Variants in TAOK3 observed in about 807,000 individuals in gnomAD.
The protein encoded by TAOK3 is serine/threonine-protein kinase TAO3.
A neutral mutation model predicts 120.4 loss-of-function variants in TAOK3; 40 were observed. That is an observed-to-expected ratio of 0.33 (90% CI 0.26 to 0.43). The LOEUF (loss-of-function observed/expected upper bound fraction) is 0.43, where lower values mean the gene tolerates loss of function less well. Among genes scored for constraint, TAOK3 ranks in the 20% least tolerant of loss-of-function variants. The pLI is 1.00. For missense variants in TAOK3, 821 were observed against 1,112.1 expected (o/e 0.74, Z 3.72); for synonymous variants, 355 against 387.5 (o/e 0.92, Z 0.99).
intron 3 of TAOK3, among the ~76,000 whole-genome samples, chr12:118,247,476 C>CATATATATATAT (rs780142969): frequency 1.7e-3 from 252 of 151,010 alleles, no homozygotes; most frequent in Non-Finnish European, 3.1e-3. Flanking sequence ...TCAAGATATA[C>CATATATATATAT]ATATATATAT....
At chr12:118,181,682 C>T (rs891546089) in intron 14 of TAOK3, 75 bp from the exon 15 acceptor site, 1 of 1,281,356 alleles carries the variant, frequency 7.8e-7, no homozygotes, top group Non-Finnish European at 1.1e-6. Flanking sequence ...GTAGAACGGC[C>T]CTGTGGCATA....
intron 2 of TAOK3, among the ~76,000 whole-genome samples, chr12:118,258,380 C>T (rs2041081855): frequency 6.6e-6 from 1 of 152,016 alleles, no homozygotes; most frequent in Non-Finnish European, 1.5e-5. Context: ...AACTTAAATC[C>T]AGCTATTTGT....
intron 14 of TAOK3, among the ~76,000 whole-genome samples, chr12:118,182,623 A>ATATATTT (rs371125415): frequency 2.2e-5 from 2 of 92,390 alleles, no homozygotes; most frequent in African/African-American, 9.9e-5. Context: ...ATATATATAT[A>ATATATTT]TTTTTTTTTT....
chr12:118,269,983 T>C (rs1377138714), intron 1 of TAOK3, among the ~76,000 whole-genome samples: 1 of 152,224 alleles, frequency 6.6e-6, no homozygotes, highest in Non-Finnish European at 1.5e-5. Flanking sequence ...ATTCTGATTA[T>C]ACTTCCTCTT....
At chr12:118,243,352 A>C (rs1016753768) in intron 5 of TAOK3, 63 bp downstream of exon 5, 18 of 850,758 alleles carry the variant, frequency 2.1e-5, no homozygotes, top group African/African-American at 3.5e-5. Flanking sequence ...CAAATAGATA[A>C]TAGAAAAAAA....
chr12:118,317,514 G>C (rs2043520891), intron 1 of TAOK3, among the ~76,000 whole-genome samples: 1 of 151,880 alleles, frequency 6.6e-6, no homozygotes, highest in South Asian at 2.1e-4. Flanking sequence ...AGCCAGGATG[G>C]TCTCGATCTC....
At chr12:118,300,370 A>G (rs933969006) in intron 1 of TAOK3, among the ~76,000 whole-genome samples, 12 of 152,226 alleles carry the variant, frequency 7.9e-5, no homozygotes, top group African/African-American at 2.9e-4. Context: ...GGTAACTTCC[A>G]AAAGTCTGAG....
At chr12:118,307,021 G>C (rs904315097) in intron 1 of TAOK3, among the ~76,000 whole-genome samples, 2 of 151,890 alleles carry the variant, frequency 1.3e-5, no homozygotes, top group African/African-American at 4.8e-5. Context: ...CTACAATGTT[G>C]GACAACACAG....
At chr12:118,221,272 G>A (rs1452071758) in intron 9 of TAOK3, among the ~76,000 whole-genome samples, 1 of 152,042 alleles carries the variant, frequency 6.6e-6, no homozygotes, top group Admixed American at 6.6e-5. Context: ...AGCAAAGGCT[G>A]GAGTGAAGAG....
chr12:118,368,723 T>C (rs903260486), intron 1 of TAOK3, among the ~76,000 whole-genome samples: 5 of 149,396 alleles, frequency 3.3e-5, no homozygotes, highest in Admixed American at 1.3e-4. Context: ...GGAGAATCGC[T>C]GGAACCAGGG....
chr12:118,356,972 G>A (rs542482020), intron 1 of TAOK3, among the ~76,000 whole-genome samples: 1 of 152,248 alleles, frequency 6.6e-6, no homozygotes, highest in South Asian at 2.1e-4. Context: ...AGACTAACTA[G>A]GTTGGTTGGT....
chr12:118,267,480 G>T (rs997793110), intron 1 of TAOK3, among the ~76,000 whole-genome samples: 1 of 151,212 alleles, frequency 6.6e-6, no homozygotes, highest in Non-Finnish European at 1.5e-5. Context: ...CTCCCAAAGT[G>T]CTGGGATTAC....
chr12:118,196,077 A>ATAAATAAG, intron 13 of TAOK3, among the ~76,000 whole-genome samples: 1 of 150,624 alleles, frequency 6.6e-6, no homozygotes, highest in East Asian at 1.9e-4. Flanking sequence ...AAATAAATAA[A>ATAAATAAG]TAAATAAATA....
chr12:118,208,004 T>C (rs995715953), intron 11 of TAOK3, among the ~76,000 whole-genome samples: 1 of 152,162 alleles, frequency 6.6e-6, no homozygotes. Context: ...ATTAAAGGCT[T>C]TACGAGATTG....
chr12:118,255,964 A>G (rs7306323), intron 2 of TAOK3: 4,523 of 153,786 alleles, frequency 0.029, 188 homozygotes, highest in African/African-American at 0.093. Context: ...CATGCCTGTA[A>G]TCCCAGCTAC....
At chr12:118,312,474 A>C (rs1443842103) in intron 1 of TAOK3, among the ~76,000 whole-genome samples, 6 of 152,206 alleles carry the variant, frequency 3.9e-5, no homozygotes, top group Non-Finnish European at 4.4e-5. Flanking sequence ...AACTAAAATA[A>C]ATTAAGATTT....
chr12:118,313,572 G>A (rs552186230), intron 1 of TAOK3, among the ~76,000 whole-genome samples: 12 of 152,174 alleles, frequency 7.9e-5, no homozygotes, highest in Admixed American at 7.9e-4. Flanking sequence ...CACCGCATAG[G>A]CTGAGAAAGG....
chr12:118,287,224 A>G (rs1339749203), intron 1 of TAOK3, among the ~76,000 whole-genome samples: 1 of 152,176 alleles, frequency 6.6e-6, no homozygotes, highest in Admixed American at 6.5e-5. Context: ...AAATTTTAAA[A>G]AATTAAATTA....
At chr12:118,182,281 C>T (rs1297715088) in intron 14 of TAOK3, among the ~76,000 whole-genome samples, 3 of 152,074 alleles carry the variant, frequency 2.0e-5, no homozygotes, top group South Asian at 2.1e-4. Flanking sequence ...CACATTAACA[C>T]AGCTAATAAG....
Sources: gnomAD v4.1 joint callset for allele counts (sites outside exome capture counted in the v4.1 genomes callset) on GRCh38, gnomAD v4.1.1 for gene constraint, MANE v1.5 for transcripts, NCBI Gene and HGNC (gene_info 2026-07-23, HGNC 2026-07-21) for gene names.